LOC131768270: variants seen among roughly 807,000 people sequenced by gnomAD.
the LOC131768270 span, chr5:140,565,079 C>T: frequency 2.5e-6 from 1 of 396,350 alleles, no homozygotes; most frequent in East Asian, 3.6e-5. Flanking sequence ...CTCCTGGGAA[C>T]CATCACGAAC....
the LOC131768270 span, chr5:140,567,692 G>A: frequency 5.6e-6 from 9 of 1,614,010 alleles, no homozygotes; most frequent in Non-Finnish European, 7.6e-6. Context: ...CCCTCCAGCA[G>A]CTGCTGCCAG....
chr5:140,565,589 C>G, the LOC131768270 span: 1 of 227,300 alleles, frequency 4.4e-6, no homozygotes. Context: ...AGGTCCCTAG[C>G]TGTCCCTCCT....
the LOC131768270 span, chr5:140,569,053 C>G: frequency 1.2e-5 from 2 of 167,064 alleles, no homozygotes; most frequent in Non-Finnish European, 2.9e-5. Context: ...GCAATAAGAT[C>G]TTAATAAAGT....
chr5:140,566,992 A>G, the LOC131768270 span: 1 of 966,216 alleles, frequency 1.0e-6, no homozygotes. Flanking sequence ...TTCAAGGACC[A>G]CCAGCCCCTT....
At chr5:140,565,701 AT>A in the LOC131768270 span, 1 of 385,926 alleles carries the variant, frequency 2.6e-6, no homozygotes, top group Non-Finnish European at 4.6e-6. Flanking sequence ...CCTCATTTGA[AT>A]TCTGTGCTTT....
At chr5:140,567,343 G>C in the LOC131768270 span, 1 of 1,614,164 alleles carries the variant, frequency 6.2e-7, no homozygotes, top group Non-Finnish European at 8.5e-7. Context: ...TGCTGACTGA[G>C]CTGACCAAGC....
At chr5:140,565,109 A>C in the LOC131768270 span, 3 of 393,056 alleles carry the variant, frequency 7.6e-6, no homozygotes. Context: ...GCACAGACTC[A>C]AAAACATTCA....
At chr5:140,566,520 C>A in the LOC131768270 span, 1 of 413,258 alleles carries the variant, frequency 2.4e-6, no homozygotes, top group South Asian at 1.1e-4. Flanking sequence ...CCTGGACAGT[C>A]AGGAAGGAGC....
At chr5:140,565,069 C>T in the LOC131768270 span, 23 of 397,092 alleles carry the variant, frequency 5.8e-5, no homozygotes, top group Admixed American at 1.8e-4. Context: ...CAGATGTCCC[C>T]TCCTGGGAAC....
chr5:140,567,424 G>C, the LOC131768270 span: 2 of 1,614,142 alleles, frequency 1.2e-6, no homozygotes, highest in Non-Finnish European at 1.7e-6. Flanking sequence ...CCTGGCGCCA[G>C]GCTGCTCCCT....
chr5:140,567,600 T>C, the LOC131768270 span: 3 of 1,614,146 alleles, frequency 1.9e-6, no homozygotes, highest in Non-Finnish European at 2.5e-6. Context: ...CGTCAGGGGT[T>C]AGCGCTGCTG....
At chr5:140,567,357 T>G in the LOC131768270 span, 3 of 1,614,182 alleles carry the variant, frequency 1.9e-6, no homozygotes, top group Non-Finnish European at 2.5e-6. Context: ...ACCAAGCTAC[T>G]GTTATGCGCC....
At chr5:140,564,868 C>T in the LOC131768270 span, 3 of 383,900 alleles carry the variant, frequency 7.8e-6, no homozygotes, top group African/African-American at 2.1e-5. This position sits in a 1 kb window ranked among gnomAD's most constrained non-coding sequence, Gnocchi z 5.0. Context: ...GGTGAGTGGC[C>T]GTGGGGGTGA....
the LOC131768270 span, chr5:140,566,756 C>T: frequency 1.8e-5 from 11 of 595,672 alleles, no homozygotes; most frequent in Middle Eastern, 4.4e-4. Flanking sequence ...GCAAGGGGCC[C>T]GACTAGCTCT....
the LOC131768270 span, chr5:140,567,264 C>T: frequency 6.2e-7 from 1 of 1,614,220 alleles, no homozygotes; most frequent in African/African-American, 1.3e-5. Context: ...ATGTACGGTG[C>T]CCATGCCCCA....
chr5:140,568,081 C>T, the LOC131768270 span: 1,281 of 1,613,922 alleles, frequency 7.9e-4, 2 homozygotes, highest in African/African-American at 2.3e-3. Context: ...AGCTCACAGC[C>T]GCCTTCTTCC....
chr5:140,566,746 G>T, the LOC131768270 span: 3 of 592,412 alleles, frequency 5.1e-6, no homozygotes, highest in African/African-American at 5.6e-5. Flanking sequence ...CAGTTGCTAC[G>T]CAAGGGGCCC....
At chr5:140,568,053 C>T in the LOC131768270 span, 3 of 1,613,942 alleles carry the variant, frequency 1.9e-6, no homozygotes, top group Non-Finnish European at 2.5e-6. Flanking sequence ...GTGCTCTCAG[C>T]AGTCCTGCTA....
At chr5:140,567,266 C>G in the LOC131768270 span, 1 of 1,614,240 alleles carries the variant, frequency 6.2e-7, no homozygotes, top group Non-Finnish European at 8.5e-7. Context: ...GTACGGTGCC[C>G]ATGCCCCATT....
Sources: gnomAD v4.1 joint callset for allele counts on GRCh38, gnomAD v4.1.1 for gene constraint, Gnocchi (gnomAD v3.1) non-coding constraint, MANE v1.5 for transcripts.